The following DIAPH2 variants were observed in gnomAD, a reference collection of about 807,000 sequenced individuals.
The protein encoded by DIAPH2 is diaphanous related formin 2.
DIAPH2 carries 35 observed loss-of-function variants against 92.7 expected under a neutral mutation model. The ratio of observed to expected loss-of-function variants is 0.38; its 90% CI spans 0.29 to 0.50. DIAPH2 has a LOEUF of 0.50. DIAPH2 is among the 20% of genes least tolerant of loss of function. The probability of loss-of-function intolerance (pLI) is 0.94; values close to 1 mark genes in which losing one functional copy is unlikely to be tolerated. For synonymous variants in DIAPH2, 301 were observed against 280.4 expected, an observed-to-expected ratio of 1.07 and a Z score of -0.73; for missense variants, 701 against 819.5, an observed-to-expected ratio of 0.86 and a Z score of 1.77.
At chrX:96,696,502 T>G (rs939852565) in intron 1 of DIAPH2, among the ~76,000 whole-genome samples, 1 of 112,204 alleles carries the variant, frequency 8.9e-6, no homozygotes, top group African/African-American at 3.2e-5. Context: ...AGACAAAAAG[T>G]TGGAATTAGG....
In DIAPH2 at chrX:97,202,036, C is replaced by T. The variant is rs1008505693; in HGVS notation, c.2720-45679C>T. Among the ~76,000 whole-genome samples the T allele has an allele frequency of 2.7e-5, 3 of 111,506 alleles. No homozygotes were observed. The Admixed American group carries it at 2.9e-4, about 11-fold the overall frequency. ...TTCAACATTCTTAAAGAATTTTCAT[C>T]CCAGAATTTCATATCCAGCCAAACT... On this transcript the variant is annotated intron_variant, in intron 22 of 26. Transcript: ENST00000324765.
At chrX:97,098,723 C>T (rs1007715847) in intron 19 of DIAPH2, among the ~76,000 whole-genome samples, 3 of 112,809 alleles carry the variant, frequency 2.7e-5, no homozygotes, top group African/African-American at 9.7e-5. Context: ...CTGCACCCGG[C>T]CACTGGCCTC....
At chrX:96,834,628 C>T (rs1162617510) in intron 4 of DIAPH2, among the ~76,000 whole-genome samples, 1 of 110,982 alleles carries the variant, frequency 9.0e-6, no homozygotes, top group Admixed American at 9.7e-5. Context: ...AGATGGAAGT[C>T]CTTGTTTAAA....
chrX:97,224,588 T>A (rs1414625595), intron 22 of DIAPH2, among the ~76,000 whole-genome samples: 5 of 112,187 alleles, frequency 4.5e-5, no homozygotes, highest in Non-Finnish European at 7.5e-5. Context: ...TTAAGGGAAA[T>A]ATGCTATGTT....
chrX:97,477,611 AATCTATCT>A (rs61700508), intron 26 of DIAPH2, among the ~76,000 whole-genome samples: 5 of 108,291 alleles, frequency 4.6e-5, no homozygotes, highest in Non-Finnish European at 3.8e-5. Context: ...TCTAAAAAAA[AATCTATCT>A]ATCTATCTAT....
intron 21 of DIAPH2, among the ~76,000 whole-genome samples, chrX:97,129,387 G>T (rs750443408): frequency 9.2e-6 from 1 of 109,104 alleles, no homozygotes; most frequent in Admixed American, 1.0e-4. Flanking sequence ...GGGTGGTCTC[G>T]AACTCCTGAC....
At chrX:97,282,072 C>T (rs1373955506) in intron 23 of DIAPH2, among the ~76,000 whole-genome samples, 4 of 110,572 alleles carry the variant, frequency 3.6e-5, no homozygotes, top group Non-Finnish European at 7.5e-5. Context: ...AATTTATTTA[C>T]TAAGTATTCA....
intron 19 of DIAPH2, among the ~76,000 whole-genome samples, chrX:97,077,710 T>C (rs895375717): frequency 8.9e-6 from 1 of 112,242 alleles, no homozygotes; most frequent in Non-Finnish European, 1.9e-5. Flanking sequence ...AGAAAAACTT[T>C]TATTTAATCA....
At chrX:97,022,681 A>T (rs1330316096) in intron 17 of DIAPH2, among the ~76,000 whole-genome samples, 1 of 112,255 alleles carries the variant, frequency 8.9e-6, no homozygotes, top group Non-Finnish European at 1.9e-5. Context: ...TGGAATTCTG[A>T]CATCCCAAGA....
rs762590210 is a variant in DIAPH2, at chrX:96,838,310, C to G, written c.448-43269C>G. On this transcript the variant is annotated intron_variant, in intron 4 of 26. Transcript: ENST00000324765. ...TATTCAGCAATGTTTTCAGCAGTGG[C>G]AGCAGAACTATAGTAAGCATGTGGC... 9.1e-4 allele frequency among the ~76,000 whole-genome samples: 101 copies of G among 111,511 alleles called. No individual in the cohort carries two copies. In the Middle Eastern group the frequency reaches 0.014, roughly 15 times the overall value.
At chrX:97,001,705 G>C (rs746276054) in intron 17 of DIAPH2, among the ~76,000 whole-genome samples, 2 of 111,551 alleles carry the variant, frequency 1.8e-5, no homozygotes, top group African/African-American at 6.5e-5. Flanking sequence ...TTTATTATTA[G>C]TATGGAGTGT....
rs751028940 is a variant in DIAPH2, at chrX:97,239,706, A to G, written c.2720-8009A>G. On this transcript the variant is annotated intron_variant, in intron 22 of 26. Transcript: ENST00000324765. Reference sequence around the variant, plus strand: ...CCCTAGTTTATATTAGTGAACTAATATAATGACAGGCACAAAAATATACCC... The same window carrying G: ...CCCTAGTTTATATTAGTGAACTAATGTAATGACAGGCACAAAAATATACCC... Among the ~76,000 whole-genome samples the G allele has an allele frequency of 9.8e-4, 109 of 111,320 alleles. 1 individual carries two copies. The highest frequency in any genetic ancestry group is 3.2e-3 in the African/African-American group (99 of 30,717).
chrX:97,557,094 G>T (rs2071262557), intron 26 of DIAPH2, among the ~76,000 whole-genome samples: 1 of 111,986 alleles, frequency 8.9e-6, no homozygotes, highest in Non-Finnish European at 1.9e-5. Flanking sequence ...TAAAAACATG[G>T]TATCATGAAA....
chrX:96,762,071 A>G (rs1285628205), intron 4 of DIAPH2, among the ~76,000 whole-genome samples: 1 of 111,848 alleles, frequency 8.9e-6, no homozygotes, highest in African/African-American at 3.2e-5. Flanking sequence ...TTATTTTTAA[A>G]GCACTAGCTG....
intron 1 of DIAPH2, among the ~76,000 whole-genome samples, chrX:96,729,516 G>T (rs138645776): frequency 0.01 from 1,157 of 111,680 alleles, 10 homozygotes; most frequent in African/African-American, 0.036. Context: ...CCTCCTGGCA[G>T]TTCAAGATTG....
intron 4 of DIAPH2, among the ~76,000 whole-genome samples, chrX:96,794,382 G>T (rs1459522680): frequency 1.8e-5 from 2 of 111,156 alleles, no homozygotes; most frequent in Non-Finnish European, 3.8e-5. Context: ...ATGCTAAATT[G>T]AAGAATTAAA....
At chrX:96,702,354 C>T (rs1225002473) in intron 1 of DIAPH2, among the ~76,000 whole-genome samples, 2 of 112,050 alleles carry the variant, frequency 1.8e-5, no homozygotes, top group Non-Finnish European at 3.8e-5. Context: ...AAGCTCACCT[C>T]AGTGCTGCGG....
intron 17 of DIAPH2, among the ~76,000 whole-genome samples, chrX:97,035,542 A>T (rs1332475097): frequency 8.9e-6 from 1 of 111,810 alleles, no homozygotes; most frequent in East Asian, 2.8e-4. Context: ...CTCTTGAATT[A>T]GATATGTACA....
At chrX:97,440,473 T>C (rs1320142350) in intron 26 of DIAPH2, among the ~76,000 whole-genome samples, 2 of 108,311 alleles carry the variant, frequency 1.8e-5, no homozygotes, top group East Asian at 2.9e-4. Context: ...ACACCTGTAA[T>C]CCCAGCCACT....
Sources: allele counts gnomAD v4.1 joint callset (sites outside exome capture counted in the v4.1 genomes callset), GRCh38; gene constraint gnomAD v4.1.1; transcripts MANE v1.5; gene names NCBI Gene and HGNC (gene_info 2026-07-23, HGNC 2026-07-21).